Variants in PTPRD observed in about 807,000 individuals in gnomAD.
PTPRD encodes protein tyrosine phosphatase receptor type D.
Under a neutral mutation model 214.5 loss-of-function variants are expected in PTPRD, and 34 were observed. That is an observed-to-expected ratio of 0.16 (90% CI 0.12 to 0.21). The LOEUF (loss-of-function observed/expected upper bound fraction) is 0.21. Among genes scored for constraint, PTPRD ranks in the 10% least tolerant of loss-of-function variants. The probability of loss-of-function intolerance (pLI) is 1.00; values close to 1 mark genes in which losing one functional copy is unlikely to be tolerated. For synonymous variants in PTPRD, 1,128 were observed against 845.7 expected (o/e 1.33, Z -5.79); for missense variants, 2,545 against 2,398.7 (o/e 1.06, Z -1.27).
chr9:9,901,259 G>A (rs1361718976), intron 5 of PTPRD, among the ~76,000 whole-genome samples: 2 of 152,102 alleles, frequency 1.3e-5, no homozygotes, highest in Non-Finnish European at 2.9e-5. Context: ...GTTCTAATAT[G>A]TCATTATAAT....
intron 9 of PTPRD, among the ~76,000 whole-genome samples, chr9:9,390,848 A>G (rs1365920335): frequency 6.6e-6 from 1 of 152,202 alleles, no homozygotes; most frequent in Non-Finnish European, 1.5e-5. Context: ...GAAATTCAGT[A>G]AATCCATCTT....
chr9:9,238,476 T>C (rs2099968428), intron 9 of PTPRD, among the ~76,000 whole-genome samples: 1 of 152,138 alleles, frequency 6.6e-6, no homozygotes, highest in Non-Finnish European at 1.5e-5. Flanking sequence ...TGTACTTAAG[T>C]GAGGAAGGCC....
intron 14 of PTPRD, among the ~76,000 whole-genome samples, chr9:8,569,517 A>T (rs953968581): frequency 2.0e-5 from 3 of 152,106 alleles, no homozygotes; most frequent in Non-Finnish European, 2.9e-5. Context: ...GGGCCTTCCA[A>T]TTATCACACA....
At chr9:10,429,637 A>G (rs1352188783) in intron 2 of PTPRD, among the ~76,000 whole-genome samples, 2 of 151,772 alleles carry the variant, frequency 1.3e-5, no homozygotes, top group Non-Finnish European at 2.9e-5. Flanking sequence ...GTGTTCACAT[A>G]GGCATATAAT....
chr9:10,434,024 A>G (rs1251779811), intron 2 of PTPRD, among the ~76,000 whole-genome samples: 1 of 151,762 alleles, frequency 6.6e-6, no homozygotes, highest in African/African-American at 2.4e-5. Context: ...AACAATTATT[A>G]TGCAACATTT....
chr9:9,311,344 G>C (rs903379822), intron 9 of PTPRD, among the ~76,000 whole-genome samples: 4 of 152,150 alleles, frequency 2.6e-5, no homozygotes, highest in Admixed American at 2.6e-4. Flanking sequence ...ACTCTCAGGA[G>C]AGGTCTGAAT....
chr9:9,225,464 G>A (rs935109277), intron 9 of PTPRD, among the ~76,000 whole-genome samples: 9 of 151,904 alleles, frequency 5.9e-5, no homozygotes, highest in African/African-American at 1.9e-4. Context: ...CTCACACCTC[G>A]GAGAAAAACA....
intron 2 of PTPRD, among the ~76,000 whole-genome samples, chr9:10,471,410 T>C (rs761049725): frequency 3.9e-5 from 6 of 152,174 alleles, no homozygotes; most frequent in Admixed American, 1.3e-4. Flanking sequence ...TTGAAAGGTT[T>C]CATATTTTAA....
At chr9:9,479,607 C>T (rs983722038) in intron 8 of PTPRD, among the ~76,000 whole-genome samples, 1 of 152,046 alleles carries the variant, frequency 6.6e-6, no homozygotes, top group Admixed American at 6.6e-5. Context: ...TGCACCAACA[C>T]TTTTAAGTAT....
intron 3 of PTPRD, among the ~76,000 whole-genome samples, chr9:10,085,707 A>T (rs766805799): frequency 6.6e-6 from 1 of 151,792 alleles, no homozygotes; most frequent in Non-Finnish European, 1.5e-5. Flanking sequence ...ACACACACAC[A>T]CGCACAAAGG....
At chr9:9,959,313 G>C (rs2094181108) in intron 4 of PTPRD, among the ~76,000 whole-genome samples, 3 of 152,090 alleles carry the variant, frequency 2.0e-5, no homozygotes, top group African/African-American at 7.2e-5. Flanking sequence ...ATAGTAAAAT[G>C]ATCAGTTGTT....
chr9:10,231,979 AGAGAGAGAGAGTGT>A (rs1245461218), intron 3 of PTPRD, among the ~76,000 whole-genome samples: 4 of 115,038 alleles, frequency 3.5e-5, no homozygotes, highest in South Asian at 2.8e-4. Context: ...AGAGAGAGAG[AGAGAGAGAGAGTGT>A]GTGTGTGTGT....
At chr9:9,275,164 A>AT (rs1944912219) in intron 9 of PTPRD, among the ~76,000 whole-genome samples, 2 of 48,938 alleles carry the variant, frequency 4.1e-5, no homozygotes, top group Non-Finnish European at 6.5e-5. Flanking sequence ...TATATATATA[A>AT]CATATATATA....
intron 5 of PTPRD, among the ~76,000 whole-genome samples, chr9:9,897,624 G>C (rs139952633): frequency 2.8e-3 from 424 of 152,040 alleles, no homozygotes; most frequent in African/African-American, 9.9e-3. Context: ...AATATATACA[G>C]TATTACAAAC....
At chr9:10,285,971 T>C (rs766457021) in intron 3 of PTPRD, among the ~76,000 whole-genome samples, 6 of 152,142 alleles carry the variant, frequency 3.9e-5, no homozygotes, top group African/African-American at 7.2e-5. Flanking sequence ...TAGGATTATG[T>C]AGAAGATTAA....
At chr9:9,673,380 C>T (rs1727318732) in intron 7 of PTPRD, among the ~76,000 whole-genome samples, 1 of 151,682 alleles carries the variant, frequency 6.6e-6, no homozygotes, top group Non-Finnish European at 1.5e-5. Flanking sequence ...AATAATTATG[C>T]TCAAATTATT....
At chr9:10,579,456 T>G (rs1010301872) in intron 2 of PTPRD, among the ~76,000 whole-genome samples, 3 of 152,194 alleles carry the variant, frequency 2.0e-5, no homozygotes, top group African/African-American at 7.2e-5. Flanking sequence ...TTGTTCTTTT[T>G]TATGGCTGCA....
intron 9 of PTPRD, among the ~76,000 whole-genome samples, chr9:9,228,404 T>C (rs1268071377): frequency 2.0e-5 from 3 of 152,130 alleles, no homozygotes; most frequent in Non-Finnish European, 4.4e-5. Context: ...TGCACACATA[T>C]GTGCATGTGT....
intron 11 of PTPRD, among the ~76,000 whole-genome samples, chr9:9,001,629 A>T (rs945023794): frequency 5.9e-5 from 9 of 151,936 alleles, no homozygotes; most frequent in African/African-American, 2.2e-4. Flanking sequence ...TCTTCATTTA[A>T]TTTCAGCTAG....
Sources: gnomAD v4.1 joint callset for allele counts (sites outside exome capture counted in the v4.1 genomes callset) on GRCh38, gnomAD v4.1.1 for gene constraint, MANE v1.5 for transcripts, NCBI Gene and HGNC (gene_info 2026-07-23, HGNC 2026-07-21) for gene names.